The following PPP1R9A variants were observed in gnomAD, a reference collection of about 807,000 sequenced individuals.
The protein encoded by PPP1R9A is neurabin-1.
PPP1R9A carries 59 observed loss-of-function variants against 141.9 expected under a neutral mutation model. The observed-to-expected ratio is 0.42, with a 90% CI of 0.34 to 0.52. The LOEUF is 0.52. PPP1R9A is among the 20% of genes least tolerant of loss of function. The pLI is 0.10. For missense variants in PPP1R9A, 1,444 were observed against 1,611.9 expected (o/e 0.90, Z 1.78); for synonymous variants, 500 against 569.7 (o/e 0.88, Z 1.74).
chr7:94,945,467 G>A (rs1795796090), intron 2 of PPP1R9A, among the ~76,000 whole-genome samples: 1 of 152,078 alleles, frequency 6.6e-6, no homozygotes, highest in Admixed American at 6.6e-5. Context: ...CATTGTGGAT[G>A]TCCGGGTCAT....
chr7:94,932,574 C>T (rs186181063), intron 2 of PPP1R9A, among the ~76,000 whole-genome samples: 1 of 152,138 alleles, frequency 6.6e-6, no homozygotes, highest in African/African-American at 2.4e-5. Context: ...AGTATGTATT[C>T]ATGGCATTTG....
At chr7:95,070,593 G>GTATATATCTATATATATATATATA (rs1554492007) in intron 2 of PPP1R9A, among the ~76,000 whole-genome samples, 1 of 111,940 alleles carries the variant, frequency 8.9e-6, no homozygotes, top group South Asian at 2.4e-4. Context: ...TAAATCTCTG[G>GTATATATCTATATATATATATATA]TATATATATA....
intron 2 of PPP1R9A, among the ~76,000 whole-genome samples, chr7:94,914,335 C>T (rs1791803294): frequency 6.6e-6 from 1 of 152,116 alleles, no homozygotes; most frequent in Admixed American, 6.5e-5. Context: ...AGATGTTTTA[C>T]ATAGATATTT....
chr7:95,257,277 A>G (rs1336958316), intron 12 of PPP1R9A, among the ~76,000 whole-genome samples: 1 of 152,176 alleles, frequency 6.6e-6, no homozygotes, highest in Non-Finnish European at 1.5e-5. Flanking sequence ...TACAGAGTCC[A>G]GAAGCAGACT....
chr7:95,083,727 A>G (rs1816240231), intron 2 of PPP1R9A, among the ~76,000 whole-genome samples: 1 of 151,984 alleles, frequency 6.6e-6, no homozygotes, highest in Non-Finnish European at 1.5e-5. Flanking sequence ...AACCACCTCC[A>G]CAATAAAACA....
chr7:95,208,976 A>AG (rs1791493067), intron 7 of PPP1R9A, among the ~76,000 whole-genome samples: 1 of 149,502 alleles, frequency 6.7e-6, no homozygotes, highest in Non-Finnish European at 1.5e-5. Context: ...AAAAAAAAAA[A>AG]AACTCTGATA....
chr7:95,207,313 G>A (rs1454131595), intron 7 of PPP1R9A, among the ~76,000 whole-genome samples: 2 of 152,058 alleles, frequency 1.3e-5, no homozygotes, highest in African/African-American at 4.8e-5. Flanking sequence ...ATCTCCAATT[G>A]CATATAACTT....
intron 8 of PPP1R9A, among the ~76,000 whole-genome samples, chr7:95,233,299 C>T (rs993610291): frequency 5.9e-5 from 9 of 151,302 alleles, no homozygotes; most frequent in Non-Finnish European, 1.3e-4. Flanking sequence ...TGTTCTCACT[C>T]ATAAGTGGGA....
intron 2 of PPP1R9A, among the ~76,000 whole-genome samples, chr7:95,041,908 G>A (rs545770533): frequency 4.6e-5 from 7 of 152,244 alleles, no homozygotes; most frequent in South Asian, 2.1e-4. Flanking sequence ...ACTAGGTGGT[G>A]CAAATAGAAG....
intron 19 of PPP1R9A, 83 bp from the exon 20 acceptor site, chr7:95,290,008 C>T (rs1806109556): frequency 1.6e-5 from 25 of 1,548,050 alleles, no homozygotes; most frequent in East Asian, 9.1e-5. Flanking sequence ...AATTAGTTTA[C>T]GAACTTGGAT....
intron 4 of PPP1R9A, chr7:95,156,354 C>T (rs1829614144): frequency 6.6e-6 from 1 of 152,292 alleles, no homozygotes; most frequent in Admixed American, 6.5e-5. Flanking sequence ...AGTCACAGCC[C>T]TGGCTCAGGG....
chr7:95,106,627 T>C (rs539301717), intron 2 of PPP1R9A, among the ~76,000 whole-genome samples: 2 of 152,366 alleles, frequency 1.3e-5, no homozygotes, highest in Non-Finnish European at 2.9e-5. Context: ...TGTAATGAAC[T>C]TCTTTTGAAA....
At chr7:95,000,395 C>T (rs928504869) in intron 2 of PPP1R9A, among the ~76,000 whole-genome samples, 4 of 152,122 alleles carry the variant, frequency 2.6e-5, no homozygotes, top group African/African-American at 9.7e-5. Flanking sequence ...ATGTTTACAT[C>T]TCTATGATGT....
At chr7:94,916,605 G>A (rs1453878515) in intron 2 of PPP1R9A, among the ~76,000 whole-genome samples, 1 of 152,136 alleles carries the variant, frequency 6.6e-6, no homozygotes, top group Non-Finnish European at 1.5e-5. Context: ...AGGCATTTGG[G>A]TCATTAAAAA....
chr7:94,939,719 A>G (rs1795125366), intron 2 of PPP1R9A, among the ~76,000 whole-genome samples: 2 of 151,608 alleles, frequency 1.3e-5, no homozygotes, highest in African/African-American at 2.4e-5. Context: ...GGAGGATACC[A>G]TGTGTCCCAT....
intron 2 of PPP1R9A, among the ~76,000 whole-genome samples, chr7:94,921,308 GT>G (rs1357236715): frequency 6.6e-6 from 1 of 151,982 alleles, no homozygotes; most frequent in Admixed American, 6.6e-5. Flanking sequence ...TTAGCTGGGC[GT>G]GGTTGCGGGC....
chr7:94,930,638 C>A (rs964767795), intron 2 of PPP1R9A, among the ~76,000 whole-genome samples: 7 of 152,050 alleles, frequency 4.6e-5, no homozygotes, highest in Non-Finnish European at 8.8e-5. Flanking sequence ...CCATGCCCAG[C>A]CCTATCTTTA....
chr7:95,006,887 A>T (rs1360209788), intron 2 of PPP1R9A, among the ~76,000 whole-genome samples: 2 of 147,952 alleles, frequency 1.4e-5, no homozygotes, highest in African/African-American at 5.0e-5. Flanking sequence ...TGAGAGACGG[A>T]GTTTCGCGCT....
intron 12 of PPP1R9A, among the ~76,000 whole-genome samples, chr7:95,252,858 G>A (rs766427050): frequency 6.6e-5 from 10 of 152,184 alleles, no homozygotes; most frequent in Non-Finnish European, 8.8e-5. Context: ...GATTCATGTA[G>A]TTAACGAAGT....
Sources: allele counts gnomAD v4.1 joint callset (sites outside exome capture counted in the v4.1 genomes callset), GRCh38; gene constraint gnomAD v4.1.1; transcripts MANE v1.5; gene names NCBI Gene and HGNC (gene_info 2026-07-23, HGNC 2026-07-21).